MEG3: variants seen among roughly 807,000 people sequenced by gnomAD.
MEG3 encodes the protein maternally expressed 3, also known as Very putative protein from MEG3 locus.
At chr14:100,851,611 T>A (rs941948943) in intron 3 of MEG3, 1 of 152,264 alleles carries the variant, frequency 6.6e-6, no homozygotes, top group Non-Finnish European at 1.5e-5. Flanking sequence ...CAGGTTTCCC[T>A]GGGCAGCAGG....
intron 1 of MEG3, chr14:100,860,576 C>G: frequency 2.2e-6 from 1 of 445,344 alleles, no homozygotes; most frequent in Non-Finnish European, 4.5e-6. Context: ...AGCCCGTGAG[C>G]AGGGACTTGC....
At chr14:100,857,750 C>T (rs982024071) in exon 1 of MEG3, 32 of 152,170 alleles carry the variant, frequency 2.1e-4, no homozygotes, top group African/African-American at 7.7e-4. Context: ...CTGTCGCTGC[C>T]GTGAGGGGAC....
At chr14:100,843,519 A>G (rs2037820888) in intron 2 of MEG3, among the ~76,000 whole-genome samples, 1 of 152,128 alleles carries the variant, frequency 6.6e-6, no homozygotes, top group South Asian at 2.1e-4. Flanking sequence ...ACTAACACTT[A>G]TTTTAAGACT....
exon 1 of MEG3, chr14:100,857,246 T>G (rs1377591576): frequency 6.6e-6 from 1 of 152,260 alleles, no homozygotes. Flanking sequence ...CTGTGTTTTA[T>G]GTTAGAAAGC....
At chr14:100,843,177 G>A (rs1231678033) in intron 2 of MEG3, among the ~76,000 whole-genome samples, 1 of 152,174 alleles carries the variant, frequency 6.6e-6, no homozygotes, top group African/African-American at 2.4e-5. Context: ...TGGAGCAGAA[G>A]CAGGAAAAAA....
chr14:100,859,594 C>A (rs1309036422), exon 1 of MEG3: 2 of 152,098 alleles, frequency 1.3e-5, no homozygotes, highest in East Asian at 1.9e-4. Context: ...TGGTGACAAT[C>A]AGCATTGACC....
At chr14:100,839,326 G>A (rs896395136) in intron 2 of MEG3, among the ~76,000 whole-genome samples, 5 of 152,142 alleles carry the variant, frequency 3.3e-5, no homozygotes, top group Non-Finnish European at 7.4e-5. Context: ...AGTGTCCCAA[G>A]GACTGGTTCC....
intron 2 of MEG3, among the ~76,000 whole-genome samples, chr14:100,844,827 A>G (rs2037866412): frequency 1.3e-5 from 2 of 152,230 alleles, no homozygotes; most frequent in South Asian, 4.1e-4. Context: ...AAAACAAAAC[A>G]AAACAAAAAA....
intron 3 of MEG3, chr14:100,849,771 A>C (rs2038014705): frequency 6.6e-6 from 1 of 152,218 alleles, no homozygotes; most frequent in African/African-American, 2.4e-5. Flanking sequence ...AAAATGGAGA[A>C]AATATAAAAA....
chr14:100,834,416 G>A (rs1296002814), exon 1 of MEG3: 1 of 275,654 alleles, frequency 3.6e-6, no homozygotes, highest in African/African-American at 2.2e-5. Flanking sequence ...CAAGGCTCCT[G>A]GAGCCCTAAA....
At chr14:100,841,858 G>A (rs1034214221) in intron 2 of MEG3, among the ~76,000 whole-genome samples, 1 of 152,302 alleles carries the variant, frequency 6.6e-6, no homozygotes, top group East Asian at 1.9e-4. Context: ...GGAGATGTTC[G>A]TTCCCCCAAC....
intron 1 of MEG3, among the ~76,000 whole-genome samples, chr14:100,827,225 C>T (rs1452853525): frequency 6.6e-5 from 10 of 152,038 alleles, no homozygotes; most frequent in Admixed American, 5.2e-4. Context: ...CCCTCCCACC[C>T]TGGGCCGGCG....
At chr14:100,831,843 A>G (rs1182099320), downstream of MEG3, 1 of 152,180 alleles carries the variant, frequency 6.6e-6, no homozygotes, top group East Asian at 1.9e-4. Context: ...AAACTTTTCC[A>G]AGCCAGGTTT....
At chr14:100,855,634 A>ATTCATCCC (rs889648693), upstream of MEG3, 2 of 152,216 alleles carry the variant, frequency 1.3e-5, no homozygotes, top group Admixed American at 1.3e-4. Flanking sequence ...TAACTCATCC[A>ATTCATCCC]TTCATCCCTT....
At chr14:100,829,588 G>A (rs1320396708), downstream of MEG3, 3 of 152,346 alleles carry the variant, frequency 2.0e-5, no homozygotes, top group East Asian at 3.9e-4. Context: ...AGATAAAAGA[G>A]GCCTCAGGCA....
chr14:100,838,487 C>T (rs1394725790), intron 2 of MEG3, among the ~76,000 whole-genome samples: 1 of 152,216 alleles, frequency 6.6e-6, no homozygotes. Flanking sequence ...TGCCGAAAGG[C>T]CACTAGTAAG....
exon 1 of MEG3, chr14:100,835,307 G>C (rs1179818775): frequency 6.4e-6 from 1 of 156,764 alleles, no homozygotes; most frequent in African/African-American, 2.4e-5. Context: ...CCCTCTCGAG[G>C]TGTGGTTGTG....
At chr14:100,851,359 T>C (rs1372209789) in intron 3 of MEG3, 2 of 152,270 alleles carry the variant, frequency 1.3e-5, no homozygotes, top group African/African-American at 4.8e-5. Flanking sequence ...AGGCCCTGGG[T>C]GGAGCATGGG....
At chr14:100,836,551 G>A (rs1035175609) in intron 2 of MEG3, among the ~76,000 whole-genome samples, 1 of 152,040 alleles carries the variant, frequency 6.6e-6, no homozygotes, top group African/African-American at 2.4e-5. Flanking sequence ...ACGGTAGGTG[G>A]GGAGTGTCCA....
Sources: allele counts gnomAD v4.1 joint callset (sites outside exome capture counted in the v4.1 genomes callset), GRCh38; gene constraint gnomAD v4.1.1; transcripts MANE v1.5; gene names NCBI Gene and HGNC (gene_info 2026-07-23, HGNC 2026-07-21).